Variants in FIGN observed in about 807,000 individuals in gnomAD.
FIGN encodes fidgetin, microtubule severing factor.
A neutral mutation model predicts 51.3 loss-of-function variants in FIGN; 11 were observed. That is an observed-to-expected ratio of 0.21 (90% confidence interval 0.13 to 0.35). The LOEUF (loss-of-function observed/expected upper bound fraction) is 0.35. Ranked by LOEUF, FIGN falls within the 10% of genes least tolerant of loss-of-function variation. The pLI is 1.00. For missense variants in FIGN, 857 were observed against 943.6 expected, an observed-to-expected ratio of 0.91 and a Z score of 1.20; for synonymous variants, 407 against 363.2, an observed-to-expected ratio of 1.12 and a Z score of -1.37.
chr2:163,632,544 T>A, intron 2 of FIGN, among the ~76,000 whole-genome samples: 1 of 152,214 alleles, frequency 6.6e-6, no homozygotes, highest in East Asian at 1.9e-4. Flanking sequence ...GACCTGGAGA[T>A]CCCTGCATGG....
intron 2 of FIGN, among the ~76,000 whole-genome samples, chr2:163,728,320 C>A (rs1684871461): frequency 6.6e-6 from 1 of 151,224 alleles, no homozygotes; most frequent in Non-Finnish European, 1.5e-5. Context: ...CAACAGAGAA[C>A]CTCCTAAGCT....
At chr2:163,684,815 C>A (rs1229537397) in intron 2 of FIGN, among the ~76,000 whole-genome samples, 1 of 152,058 alleles carries the variant, frequency 6.6e-6, no homozygotes, top group Admixed American at 6.5e-5. Flanking sequence ...GCTCTTGTTG[C>A]CCAGGCTGGA....
intron 2 of FIGN, among the ~76,000 whole-genome samples, chr2:163,653,857 A>C (rs1051610271): frequency 2.1e-4 from 32 of 152,080 alleles, no homozygotes; most frequent in African/African-American, 7.7e-4. Flanking sequence ...AGTTTTAGAG[A>C]CACTTAAAAA....
intron 2 of FIGN, among the ~76,000 whole-genome samples, chr2:163,659,170 G>T (rs1227843592): frequency 6.6e-6 from 1 of 151,988 alleles, no homozygotes; most frequent in African/African-American, 2.4e-5. Flanking sequence ...TTACTTAAAA[G>T]CCCAAGTTAA....
rs1691204198 is a variant in FIGN, at chr2:163,610,073, T to C, written c.1759A>G (p.Ile587Val). 6.2e-7 allele frequency: 1 copy of C among 1,613,798 alleles called. No homozygotes were observed. Among genetic ancestry groups the C allele is most frequent in the Admixed American group, 1.7e-5 (1 of 59,968 alleles). Residue 587 changes from isoleucine to valine, a missense_variant, in exon 3 of 3, where the codon ATT becomes GTT. Physicochemically the swap from Ile to Val is conservative, Grantham distance 29. Transcript: ENST00000333129. ...RQPSVIFVSD[I>V]DMLLSSQVNE... ...ACTTGAGAGGAGAGAAGCATGTCAA[T>C]GTCACTAACAAAAATCACCGAGGGC... is the stretch of plus-strand genomic sequence containing the variant.
At position 163,611,799 on chromosome 2, in the gene FIGN, C is replaced by T; in HGVS notation, c.33G>A (p.Lys11=). 6.3e-7 allele frequency: 1 copy of T among 1,592,620 alleles called. No homozygotes were observed. Among genetic ancestry groups the T allele is most frequent in the Non-Finnish European group, 8.6e-7 (1 of 1,163,116 alleles). MISSTSVYGL[K]MQWTPEHAQW... ...GGGCATGCTCTGGCGTCCACTGCAT[C>T]TTCAAGCCTAAGAATTTTGGGGGGA... The change falls in exon 3 of 3, where the codon AAG becomes AAA. Residue 11 remains lysine, a synonymous_variant. Transcript: ENST00000333129.
Position 163,604,965 on chromosome 2 carries a change from GACA to G in FIGN, c.*4584_*4586del, listed in dbSNP as rs1691059441. 1 of 26,844 alleles carries G rather than the reference GACA, an allele frequency of 3.7e-5. No individual in the cohort carries two copies. Among genetic ancestry groups the G allele is most frequent in the Non-Finnish European group, 7.9e-5 (1 of 12,622 alleles). The allele number at this position is 26,844 out of a possible 1,614,324, so 1.7% of individuals were successfully genotyped here. A position where few individuals can be genotyped will look rare whatever the true frequency, so the allele number is the denominator to read the frequency against. Reference sequence around the variant, plus strand: ...TTTTTTTTTTTTTTTTGTATCATAAGACAACAAGAAGGAATGAATGTGCTCCCA... The same window carrying G: ...TTTTTTTTTTTTTTTTGTATCATAAGACAAGAAGGAATGAATGTGCTCCCA... On this transcript the variant is annotated 3_prime_UTR_variant, in exon 3 of 3. Transcript: ENST00000333129.
rs371222621 is a variant in FIGN at position 163,645,540 on chromosome 2, C to T, written c.26-33734G>A. 8.5e-5 allele frequency among the ~76,000 whole-genome samples: 13 copies of T among 152,252 alleles called. No homozygotes were observed. In the East Asian group the frequency reaches 2.5e-3, roughly 29 times the overall value. On this transcript the variant is annotated intron_variant, in intron 2 of 2. Transcript: ENST00000333129. ...CTTCTGGGGAAAATTCTGTGCCTGT[C>T]CTAACTCTCACGCCCAGGCCACAGT...
At chr2:163,724,847 C>A (rs574799717) in intron 2 of FIGN, among the ~76,000 whole-genome samples, 2 of 151,832 alleles carry the variant, frequency 1.3e-5, no homozygotes, top group Non-Finnish European at 2.9e-5. Context: ...ATTATGGGGA[C>A]GAAAAGATAC....
At position 163,735,002 on chromosome 2, in the gene FIGN, C is replaced by A; in HGVS notation, c.-75G>T. 1 of 1,508,298 alleles carries A rather than the reference C, an allele frequency of 6.6e-7. No individual in the cohort carries two copies. The highest frequency in any genetic ancestry group is 9.1e-7 in the Non-Finnish European group (1 of 1,093,150). 93.4% of individuals were successfully genotyped at this position (1,508,298 alleles called of 1,614,324 possible). A position where few individuals can be genotyped will look rare whatever the true frequency, so the allele number is the denominator to read the frequency against. On this transcript the variant is annotated 5_prime_UTR_variant, in exon 2 of 3. Transcript: ENST00000333129. ...TTCCAAAGGTTGCTTTTCATTAAAG[C>A]CACTTTTCCTCTCAGCTATCAAATG...
At chr2:163,694,467 A>G (rs1311606352) in intron 2 of FIGN, among the ~76,000 whole-genome samples, 2 of 152,160 alleles carry the variant, frequency 1.3e-5, no homozygotes, top group African/African-American at 2.4e-5. Flanking sequence ...CCTCTCTTTT[A>G]CAGGATGGGG....
At chr2:163,619,710 A>C (rs1387332490) in intron 2 of FIGN, among the ~76,000 whole-genome samples, 1 of 152,182 alleles carries the variant, frequency 6.6e-6, no homozygotes, top group Non-Finnish European at 1.5e-5. Flanking sequence ...TATCATTTTT[A>C]GACCACTGAG....
At position 163,733,378 on chromosome 2, in the gene FIGN, C is replaced by G. The variant is rs78213352; in HGVS notation, c.25+1525G>C. Among the ~76,000 whole-genome samples, 539 of 152,264 alleles carry G rather than the reference C, an allele frequency of 3.5e-3. 4 individuals carry two copies. Among genetic ancestry groups the G allele is most frequent in the African/African-American group, 0.012 (517 of 41,534 alleles). On this transcript the variant is annotated intron_variant, in intron 2 of 2. Transcript: ENST00000333129. ...CACATTTAAGTATCAATACGGTGAA[C>G]AGTCAAACCATCCAATTTCTGCTCT... is the stretch of plus-strand genomic sequence containing the variant.
intron 2 of FIGN, among the ~76,000 whole-genome samples, chr2:163,650,468 C>T (rs1015605052): frequency 3.9e-5 from 6 of 151,946 alleles, no homozygotes; most frequent in Admixed American, 2.0e-4. Flanking sequence ...TAGGTATACA[C>T]GTGCCAGGTG....
At chr2:163,673,398 A>G (rs1284013541) in intron 2 of FIGN, among the ~76,000 whole-genome samples, 1 of 152,108 alleles carries the variant, frequency 6.6e-6, no homozygotes, top group Non-Finnish European at 1.5e-5. Flanking sequence ...ATATAAACAT[A>G]GTCAATTTTT....
chr2:163,625,999 T>C (rs1240739377), intron 2 of FIGN, among the ~76,000 whole-genome samples: 1 of 152,168 alleles, frequency 6.6e-6, no homozygotes, highest in Non-Finnish European at 1.5e-5. Flanking sequence ...TACTGAATGA[T>C]TCCTCTTCCA....
chr2:163,660,886 T>A (rs1163777408), intron 2 of FIGN, among the ~76,000 whole-genome samples: 2,542 of 18,028 alleles, frequency 0.14, 1,145 homozygotes, highest in Non-Finnish European at 0.28. Context: ...TATATTTTTT[T>A]TTTTTTTTTT....
At chr2:163,733,666 A>C (rs1445925112) in intron 2 of FIGN, among the ~76,000 whole-genome samples, 1 of 152,232 alleles carries the variant, frequency 6.6e-6, no homozygotes, top group Non-Finnish European at 1.5e-5. Context: ...ACAAGTTCCA[A>C]ATGCAAAATT....
rs1691024784 is a variant in FIGN, at chr2:163,603,712, TTTGC to T, written c.*5836_*5839del. ...GGGAGTTGTGGATTGTCACAGTTCATTTGCTTTTGTAAAATATCCACAATTTGCT... is the reference window on the plus strand; with the variant it reads ...GGGAGTTGTGGATTGTCACAGTTCATTTTTGTAAAATATCCACAATTTGCT... On this transcript the variant is annotated 3_prime_UTR_variant, in exon 3 of 3. Transcript: ENST00000333129. 6.6e-6 allele frequency: 1 copy of T among 152,120 alleles called. No individual in the cohort carries two copies. Among genetic ancestry groups the T allele is most frequent in the Admixed American group, 6.6e-5 (1 of 15,262 alleles). 9.4% of individuals were successfully genotyped at this position (152,120 alleles called of 1,614,324 possible). A position where few individuals can be genotyped will look rare whatever the true frequency, so the allele number is the denominator to read the frequency against.
Sources: allele counts gnomAD v4.1 joint callset (sites outside exome capture counted in the v4.1 genomes callset), GRCh38; gene constraint gnomAD v4.1.1; transcripts MANE v1.5; gene names NCBI Gene and HGNC (gene_info 2026-07-23, HGNC 2026-07-21).